The following SAMHD1 variants were observed in gnomAD, a reference collection of about 807,000 sequenced individuals.
SAMHD1 encodes deoxynucleoside triphosphate triphosphohydrolase SAMHD1.
A neutral mutation model predicts 79.6 loss-of-function variants in SAMHD1; 54 were observed. The observed-to-expected ratio is 0.68, with a 90% CI of 0.55 to 0.85. The LOEUF is 0.85. Ranked by LOEUF, SAMHD1 falls within the 40% of genes least tolerant of loss-of-function variation. SAMHD1 has a pLI of 0.00. For synonymous variants in SAMHD1, 260 were observed against 264.1 expected, an observed-to-expected ratio of 0.98 and a Z score of 0.15; for missense variants, 663 against 782.7, an observed-to-expected ratio of 0.85 and a Z score of 1.82.
At chr20:36,920,289 A>AT (rs1206604594) in intron 6 of SAMHD1, among the ~76,000 whole-genome samples, 5 of 151,792 alleles carry the variant, frequency 3.3e-5, no homozygotes, top group African/African-American at 4.8e-5. Context: ...TAATTTTTAG[A>AT]TTTTTTTGTA....
At chr20:36,930,698 T>C in intron 5 of SAMHD1, 62 bp downstream of exon 5, 1 of 1,126,114 alleles carries the variant, frequency 8.9e-7, no homozygotes, top group South Asian at 1.2e-5. Context: ...TTTTTTAACG[T>C]CAAAGAGAGG....
chr20:36,914,711 G>A (rs1158221204), intron 9 of SAMHD1, among the ~76,000 whole-genome samples: 1 of 150,454 alleles, frequency 6.6e-6, no homozygotes, highest in East Asian at 2.0e-4. Flanking sequence ...TTACTTTATT[G>A]TAAGAATACA....
At position 36,905,503 on chromosome 20, in the gene SAMHD1, T is replaced by C; in HGVS notation, c.1271A>G (p.Asp424Gly). ...GTATAAAATCTCCAGAAAAATGTTA[T>C]CTGCCAATTTAATGACATTTCAGTT... ...DDMEAYTKLT[D>G]NIFLEILYST... Residue 424 changes from aspartate to glycine, a missense_variant and splice_region_variant, in exon 12 of 16, where the codon GAT becomes GGT. Transcript: ENST00000646673. 2.5e-6 allele frequency: 4 copies of C among 1,601,654 alleles called. No homozygotes were observed. The highest frequency in any genetic ancestry group is 3.4e-6 in the Non-Finnish European group (4 of 1,168,870).
chr20:36,934,923 G>C (rs2063593453), intron 4 of SAMHD1, 106 bp downstream of exon 4: 1 of 1,202,116 alleles, frequency 8.3e-7, no homozygotes, highest in East Asian at 2.4e-5. Flanking sequence ...CTCCCAAAGT[G>C]CTGGGATTAT....
At chr20:36,947,421 T>A (rs199700068) in intron 1 of SAMHD1, among the ~76,000 whole-genome samples, 30 of 102,490 alleles carry the variant, frequency 2.9e-4, no homozygotes, top group African/African-American at 1.1e-3. Context: ...TGTGTGTGTG[T>A]GTGTGTGTGT....
At chr20:36,899,176 C>T (rs915381760) in intron 13 of SAMHD1, among the ~76,000 whole-genome samples, 46 of 150,952 alleles carry the variant, frequency 3.0e-4, no homozygotes, top group African/African-American at 9.3e-4. Context: ...AATCCCAGGC[C>T]GGACACAGTG....
chr20:36,908,898 C>T (rs1275641995), intron 11 of SAMHD1, among the ~76,000 whole-genome samples: 1 of 152,072 alleles, frequency 6.6e-6, no homozygotes, highest in Non-Finnish European at 1.5e-5. Context: ...GAGCCTCCAG[C>T]CTTTCCACGG....
chr20:36,939,253 CAAAAAAAAA>C (rs57018620), intron 3 of SAMHD1, among the ~76,000 whole-genome samples: 7 of 36,636 alleles, frequency 1.9e-4, no homozygotes, highest in Non-Finnish European at 2.6e-4. Context: ...GACTCCCTCT[CAAAAAAAAA>C]AAAAAAAAAA....
intron 6 of SAMHD1, among the ~76,000 whole-genome samples, chr20:36,921,755 C>G (rs2063507052): frequency 6.7e-6 from 1 of 148,574 alleles, no homozygotes; most frequent in Admixed American, 6.8e-5. Flanking sequence ...ATGGCGTGAT[C>G]TTGGCTCACT....
At chr20:36,940,563 GTGGC>G in intron 3 of SAMHD1, 1 of 175,840 alleles carries the variant, frequency 5.7e-6, no homozygotes, top group African/African-American at 2.4e-5. Context: ...GCCAGGTGTG[GTGGC>G]ATGCACCCAT....
intron 9 of SAMHD1, among the ~76,000 whole-genome samples, chr20:36,913,929 T>C (rs554005673): frequency 2.0e-5 from 3 of 151,948 alleles, no homozygotes; most frequent in Non-Finnish European, 4.4e-5. Context: ...AATTTTTGTA[T>C]TTTCAGTAGA....
intron 15 of SAMHD1, among the ~76,000 whole-genome samples, chr20:36,895,188 CA>C (rs1395548322): frequency 1.3e-5 from 2 of 152,008 alleles, no homozygotes; most frequent in Non-Finnish European, 1.5e-5. Flanking sequence ...AAGCCCCAGA[CA>C]CCTCCACACT....
chr20:36,940,698 C>T (rs2146144135), intron 3 of SAMHD1: 2 of 337,770 alleles, frequency 5.9e-6, no homozygotes, highest in Admixed American at 9.2e-5. Context: ...GACCACATTT[C>T]ATTAAAAAAA....
chr20:36,909,680 C>A (rs1210985092), intron 11 of SAMHD1, among the ~76,000 whole-genome samples: 5 of 121,194 alleles, frequency 4.1e-5, no homozygotes, highest in Non-Finnish European at 4.8e-5. Context: ...CACCCCCCTC[C>A]AAAAAAAAAA....
intron 1 of SAMHD1, chr20:36,947,082 A>G (rs995575630): frequency 2.6e-5 from 9 of 339,732 alleles, no homozygotes; most frequent in Non-Finnish European, 4.4e-5. Context: ...GGAAAGTGAA[A>G]CCCGACTACC....
intron 11 of SAMHD1, among the ~76,000 whole-genome samples, chr20:36,907,507 A>C (rs1240742640): frequency 6.6e-6 from 1 of 151,562 alleles, no homozygotes; most frequent in Non-Finnish European, 1.5e-5. Flanking sequence ...CTGGGACTAA[A>C]GGCACATGCC....
chr20:36,926,093 C>G (rs1345835637), intron 6 of SAMHD1, among the ~76,000 whole-genome samples: 1 of 150,676 alleles, frequency 6.6e-6, no homozygotes, highest in African/African-American at 2.5e-5. Flanking sequence ...ACTACAACAA[C>G]ATAGAAAATG....
chr20:36,919,591 C>A (rs1287005499), intron 6 of SAMHD1, 72 bp from the exon 7 acceptor site: 2 of 1,362,558 alleles, frequency 1.5e-6, no homozygotes, highest in Non-Finnish European at 2.1e-6. Context: ...ACAAAATTAT[C>A]CTCAATTCCA....
At position 36,930,502 on chromosome 20, in the gene SAMHD1, AAAC is replaced by A. The variant is rs532864350; in HGVS notation, c.625+255_625+257del. On this transcript the variant is annotated intron_variant, in intron 5 of 15. Transcript: ENST00000646673. Reference sequence around the variant, plus strand: ...AGAGCAAAACTCTGTCTCAAAAAAAAAACAACAACAAAAAAACCACTTTAGCAA... The same window carrying A: ...AGAGCAAAACTCTGTCTCAAAAAAAAAACAACAAAAAAACCACTTTAGCAA... Among the ~76,000 whole-genome samples the A allele has an allele frequency of 1.6e-4, 24 of 152,244 alleles. No individual in the cohort carries two copies. The South Asian group carries it at 4.1e-3, about 26-fold the overall frequency.
Sources: gnomAD v4.1 joint callset for allele counts (sites outside exome capture counted in the v4.1 genomes callset) on GRCh38, gnomAD v4.1.1 for gene constraint, MANE v1.5 for transcripts, NCBI Gene and HGNC (gene_info 2026-07-23, HGNC 2026-07-21) for gene names.